Variants in HFM1 observed in about 807,000 individuals in gnomAD.
HFM1 encodes the protein helicase for meiosis 1, also known as probable ATP-dependent DNA helicase HFM1.
A neutral mutation model predicts 192.1 loss-of-function variants in HFM1; 169 were observed. The observed-to-expected ratio is 0.88, with a 90% confidence interval of 0.78 to 1.00. The LOEUF (loss-of-function observed/expected upper bound fraction) is 1.00. Among genes scored for constraint, HFM1 ranks in the 50% least tolerant of loss-of-function variants. The pLI is 0.00. For missense variants in HFM1, 1,661 were observed against 1,668.0 expected (o/e 1.00, Z 0.07); for synonymous variants, 525 against 537.8 (o/e 0.98, Z 0.33).
chr1:91,369,644 G>C (rs1659890018), intron 13 of HFM1, among the ~76,000 whole-genome samples: 1 of 152,082 alleles, frequency 6.6e-6, no homozygotes, highest in African/African-American at 2.4e-5. Context: ...AAGCAGGAAA[G>C]ATAAAAATTG....
intron 30 of HFM1, among the ~76,000 whole-genome samples, chr1:91,293,652 G>A (rs1326177173): frequency 6.6e-6 from 1 of 151,414 alleles, no homozygotes; most frequent in Non-Finnish European, 1.5e-5. Context: ...GATTCCTCAG[G>A]GATCTAGAAC....
chr1:91,296,872 G>C (rs1647675032), intron 30 of HFM1, among the ~76,000 whole-genome samples: 1 of 152,198 alleles, frequency 6.6e-6, no homozygotes, highest in Non-Finnish European at 1.5e-5. Context: ...GAGCGATGCA[G>C]AAGACAGGTG....
At chr1:91,320,364 C>A (rs1651910292) in intron 23 of HFM1, among the ~76,000 whole-genome samples, 1 of 152,092 alleles carries the variant, frequency 6.6e-6, no homozygotes, top group Non-Finnish European at 1.5e-5. Flanking sequence ...ATGGTATATG[C>A]TTCTGAAAAT....
At chr1:91,396,582 T>C (rs1452937881) in intron 2 of HFM1, among the ~76,000 whole-genome samples, 177 bp from the exon 3 acceptor site, 1 of 152,192 alleles carries the variant, frequency 6.6e-6, no homozygotes, top group African/African-American at 2.4e-5. Flanking sequence ...TTATATATCA[T>C]AGGATTAATG....
chr1:91,389,427 T>C (rs1437253502), intron 4 of HFM1, among the ~76,000 whole-genome samples: 1 of 152,030 alleles, frequency 6.6e-6, no homozygotes, highest in East Asian at 1.9e-4. Flanking sequence ...CCCAATGTTA[T>C]GGTATTTGGA....
At chr1:91,271,739 GC>G (rs1041603026) in intron 34 of HFM1, among the ~76,000 whole-genome samples, 9 of 151,886 alleles carry the variant, frequency 5.9e-5, no homozygotes, top group Admixed American at 5.3e-4. Flanking sequence ...GAGGGGTGGG[GC>G]AAAAAGCTGA....
At position 91,274,731 on chromosome 1, in the gene HFM1, T is replaced by C. The variant is rs1279216444; in HGVS notation, c.3667A>G (p.Arg1223Gly). 3 of 1,451,988 alleles carry C rather than the reference T, an allele frequency of 2.1e-6. No individual in the cohort carries two copies. Among genetic ancestry groups the C allele is most frequent in the South Asian group, 2.3e-5 (2 of 85,716 alleles). The allele number at this position is 1,451,988 out of a possible 1,614,324, so 89.9% of individuals were successfully genotyped here. A position where few individuals can be genotyped will look rare whatever the true frequency, so the allele number is the denominator to read the frequency against. Reference sequence around the variant, plus strand: ...TAGATATTAACATTATATTTGTACCTTGATATACTAGGAAGGGAAGGTTTT... The same window carrying C: ...TAGATATTAACATTATATTTGTACCCTGATATACTAGGAAGGGAAGGTTTT... Reference protein sequence around the residue: ...TPKPSLPSISRSEYLNISELP... With the variant: ...TPKPSLPSISGSEYLNISELP... The change falls in exon 33 of 39, where the codon AGG becomes GGG. Residue 1223 changes from arginine (R) to glycine (G), a missense_variant and splice_region_variant. Coordinates refer to ENST00000370425, the MANE Select transcript of HFM1 (RefSeq NM_001017975.6).
At chr1:91,316,941 C>T (rs561837521) in intron 25 of HFM1, among the ~76,000 whole-genome samples, 2 of 152,296 alleles carry the variant, frequency 1.3e-5, no homozygotes. Flanking sequence ...TTTTAATCTA[C>T]TGCCTAAAAC....
At chr1:91,337,181 A>C (rs938143734) in intron 20 of HFM1, among the ~76,000 whole-genome samples, 4 of 152,188 alleles carry the variant, frequency 2.6e-5, no homozygotes, top group Admixed American at 2.0e-4. Context: ...ACCATGCCAC[A>C]TGTTTACCTG....
intron 1 of HFM1, among the ~76,000 whole-genome samples, chr1:91,404,296 T>C (rs1664624047): frequency 6.6e-6 from 1 of 152,116 alleles, no homozygotes; most frequent in Non-Finnish European, 1.5e-5. Flanking sequence ...ATATCCTAAA[T>C]CCAAGGCAGA....
upstream of HFM1, among the ~76,000 whole-genome samples, chr1:91,405,946 G>A (rs561450075): frequency 2.0e-5 from 3 of 152,232 alleles, no homozygotes; most frequent in South Asian, 4.2e-4. Flanking sequence ...GGAAAATAAC[G>A]AAACAGTGCA....
intron 20 of HFM1, among the ~76,000 whole-genome samples, chr1:91,327,871 C>T (rs556969909): frequency 3.9e-5 from 6 of 152,116 alleles, no homozygotes; most frequent in South Asian, 2.1e-4. Context: ...AAATGACCAG[C>T]GCGTCAATGA....
chr1:91,302,713 C>G lies in HFM1; in HGVS notation c.3391+10636G>C, dbSNP rs140859809. 3.8e-3 allele frequency among the ~76,000 whole-genome samples: 520 copies of G among 136,024 alleles called. 30 individuals carry two copies. In the East Asian group the frequency reaches 0.1, roughly 26 times the overall value. The allele number at this position is 136,024 out of a possible 152,430, so 89.2% of individuals were successfully genotyped here. ...AAACCAAACACTGCATGTTCTTACTCATAGGTGGAATTGAACAATGAGAAC... is the reference window on the plus strand; with the variant it reads ...AAACCAAACACTGCATGTTCTTACTGATAGGTGGAATTGAACAATGAGAAC... On this transcript the variant is annotated intron_variant, in intron 30 of 38. Transcript: ENST00000370425.
At position 91,394,244 on chromosome 1, in the gene HFM1, A is replaced by G. The variant is rs11165778; in HGVS notation, c.343T>C (p.Ser115Pro). ...NLEGVGNNDL[S>P]HIAGKLTYAS... The stretch of plus-strand genomic sequence containing the variant: ...TATGTCAGCTTGCCAGCAATATGTG[A>G]TAAGTCATTATTACCTACCCCTTCT... Residue 115 changes from serine (S) to proline (P), a missense_variant, in exon 4 of 39, where the codon TCA becomes CCA. Transcript: ENST00000370425. 0.24 allele frequency: 381,685 copies of G among 1,594,736 alleles called. 49,306 individuals carry two copies. Among genetic ancestry groups the G allele is most frequent in the Non-Finnish European group, 0.27 (314,647 of 1,162,454 alleles).
At chr1:91,326,759 A>C (rs1652974490) in intron 20 of HFM1, among the ~76,000 whole-genome samples, 1 of 86,570 alleles carries the variant, frequency 1.2e-5, no homozygotes. Flanking sequence ...ACTTCTCTTG[A>C]CTTAAATAGA....
At chr1:91,262,120 C>A (rs574220067) in intron 38 of HFM1, 121 bp downstream of exon 38, 19 of 494,282 alleles carry the variant, frequency 3.8e-5, no homozygotes, top group Admixed American at 1.9e-4. Context: ...ATTTTAATGT[C>A]TTTAATAAAT....
chr1:91,375,646 T>G lies in HFM1; in HGVS notation c.1477A>C (p.Lys493Gln), dbSNP rs113908392. 20,189 of 1,613,422 alleles carry G rather than the reference T, an allele frequency of 0.013. 161 individuals carry two copies. Among genetic ancestry groups the G allele is most frequent in the Non-Finnish European group, 0.014 (16,457 of 1,179,522 alleles). ...CTGCAGGGAAATCCAAGGACCACTTTCTGAAGTTTCACTGGTCTATGGCTC... is the reference window on the plus strand; with the variant it reads ...CTGCAGGGAAATCCAAGGACCACTTGCTGAAGTTTCACTGGTCTATGGCTC... ...DESHRPVKLQ[K>Q]VVLGFPCSSN... is the part of the protein sequence containing the mutation. The change falls in exon 12 of 39, where the codon AAA (lysine) becomes CAA (glutamine). Residue 493 changes from lysine (K) to glutamine (Q), a missense_variant. Coordinates refer to ENST00000370425, the MANE Select transcript of HFM1 (RefSeq NM_001017975.6).
In HFM1 at chr1:91,385,579, A is replaced by G; in HGVS notation, c.750T>C (p.Ile250=). ...ACTGAAAAAGCAAGAAATTACCTTG[A>G]ATATCATGAGGTTGGAAAGCAACTG... is the stretch of plus-strand genomic sequence containing the variant. ...SFSVAFQPHD[I]QEVTENGLGS... Residue 250 remains isoleucine, a synonymous_variant, in exon 5 of 39, where the codon ATT becomes ATC. Transcript: ENST00000370425. 6.2e-7 allele frequency: 1 copy of G among 1,609,634 alleles called. No individual in the cohort carries two copies. Among genetic ancestry groups the G allele is most frequent in the Non-Finnish European group, 8.5e-7 (1 of 1,176,958 alleles).
intron 13 of HFM1, among the ~76,000 whole-genome samples, chr1:91,367,275 G>A (rs1168324628): frequency 1.3e-5 from 2 of 152,184 alleles, no homozygotes; most frequent in Non-Finnish European, 2.9e-5. Context: ...CTCCCAGCAC[G>A]CAGCTTGAGA....
Sources: gnomAD v4.1 joint callset for allele counts (sites outside exome capture counted in the v4.1 genomes callset) on GRCh38, gnomAD v4.1.1 for gene constraint, MANE v1.5 for transcripts, NCBI Gene and HGNC (gene_info 2026-07-23, HGNC 2026-07-21) for gene names.